The following GNB4 variants were observed in gnomAD, a reference collection of about 807,000 sequenced individuals.
GNB4 encodes G protein subunit beta 4.
Under a neutral mutation model 45.2 loss-of-function variants are expected in GNB4, and 28 were observed. The observed-to-expected ratio is 0.62, with a 90% CI of 0.46 to 0.85. GNB4 has a LOEUF of 0.85. GNB4 is among the 40% of genes least tolerant of loss of function. GNB4 has a pLI of 0.00. For missense variants in GNB4, 321 were observed against 425.4 expected (o/e 0.75, Z 2.16); for synonymous variants, 132 against 143.7 (o/e 0.92, Z 0.58).
the GNB4 span, among the ~76,000 whole-genome samples, chr3:179,505,487 T>C: frequency 6.6e-6 from 1 of 152,218 alleles, no homozygotes; most frequent in South Asian, 2.1e-4. Flanking sequence ...AAAATATGTC[T>C]ATTTAATAAT....
the GNB4 span, among the ~76,000 whole-genome samples, chr3:179,458,367 G>C: frequency 1.3e-5 from 2 of 152,206 alleles, no homozygotes; most frequent in Non-Finnish European, 2.9e-5. Flanking sequence ...AAAGTCCGCA[G>C]TTTTTAAGTG....
intron 1 of GNB4, among the ~76,000 whole-genome samples, chr3:179,429,162 C>CATGCAACCTCAAGG (rs1452752074): frequency 6.6e-6 from 1 of 152,202 alleles, no homozygotes; most frequent in Non-Finnish European, 1.5e-5. Context: ...TGTTTTGCAA[C>CATGCAACCTCAAGG]ATGCAACCTC....
intron 8 of GNB4, among the ~76,000 whole-genome samples, chr3:179,409,717 G>A (rs1714588416): frequency 6.6e-6 from 1 of 151,402 alleles, no homozygotes; most frequent in African/African-American, 2.4e-5. Flanking sequence ...GGCTGAGGCA[G>A]GAGAATTGCT....
the GNB4 span, among the ~76,000 whole-genome samples, chr3:179,524,325 C>T: frequency 6.6e-6 from 1 of 152,244 alleles, no homozygotes; most frequent in Non-Finnish European, 1.5e-5. Flanking sequence ...ACAGATGGCA[C>T]ATGGCTTGGG....
At chr3:179,418,827 T>C (rs1345553139) in intron 4 of GNB4, among the ~76,000 whole-genome samples, 2 of 152,230 alleles carry the variant, frequency 1.3e-5, no homozygotes, top group East Asian at 1.9e-4. Flanking sequence ...CTTATACACA[T>C]AGTGAATGAC....
At position 179,416,550 on chromosome 3, in the gene GNB4, T is replaced by A. The variant is rs1714805907; in HGVS notation, c.210A>T (p.Leu70=). Residue 70 remains leucine (L), a synonymous_variant, in exon 5 of 10, where the codon CTA becomes CTT. Coordinates refer to ENST00000232564, the MANE Select transcript of GNB4 (RefSeq NM_021629.4). ...ATTTTCCATCTTGAGAAGCACTGAC[T>A]AGCAGCCTAGAGGAACAAACACAAA... The part of the protein sequence containing the change: ...AMHWGYDSRL[L]VSASQDGKLI... 1 of 1,594,528 alleles carries A rather than the reference T, an allele frequency of 6.3e-7. No homozygotes were observed. Among genetic ancestry groups the A allele is most frequent in the Non-Finnish European group, 8.6e-7 (1 of 1,169,404 alleles).
At chr3:179,462,668 G>A in the GNB4 span, among the ~76,000 whole-genome samples, 25 of 152,124 alleles carry the variant, frequency 1.6e-4, no homozygotes, top group East Asian at 3.9e-4. Context: ...GTGAAATCCC[G>A]TCTCTACTAA....
At chr3:179,409,905 C>G (rs1246637151) in intron 8 of GNB4, among the ~76,000 whole-genome samples, 1 of 152,034 alleles carries the variant, frequency 6.6e-6, no homozygotes, top group East Asian at 1.9e-4. Context: ...CCACCCAAAT[C>G]TCATCTTGCA....
chr3:179,460,141 T>G, the GNB4 span, among the ~76,000 whole-genome samples: 7 of 152,362 alleles, frequency 4.6e-5, no homozygotes, highest in East Asian at 7.7e-4. Context: ...TTTTTCTGCA[T>G]TGTGGCCTTA....
the GNB4 span, among the ~76,000 whole-genome samples, chr3:179,509,040 G>C: frequency 6.7e-6 from 1 of 148,310 alleles, no homozygotes; most frequent in Non-Finnish European, 1.5e-5. Context: ...GTATTTCCTA[G>C]CTCTGTCCAC....
At chr3:179,470,078 A>ATC in the GNB4 span, among the ~76,000 whole-genome samples, 4 of 152,254 alleles carry the variant, frequency 2.6e-5, no homozygotes, top group African/African-American at 9.6e-5. Flanking sequence ...TGGTGTAAAC[A>ATC]AACACTGTTG....
At position 179,396,173 on chromosome 3, in the gene GNB4, G is replaced by A. The variant is rs1714108099; in HGVS notation, c.*5040C>T. On this transcript the variant is annotated 3_prime_UTR_variant, in exon 10 of 10. Coordinates refer to ENST00000232564, the MANE Select transcript of GNB4 (RefSeq NM_021629.4). ...TACAAATAGAGGAATGAATCACTGT[G>A]TAAGAAAGATCTAAGAACAGTTAAA... 1 of 152,164 alleles carries A rather than the reference G, an allele frequency of 6.6e-6. No individual in the cohort carries two copies. Among genetic ancestry groups the A allele is most frequent in the Non-Finnish European group, 1.5e-5 (1 of 68,040 alleles). The allele number at this position is 152,164 out of a possible 1,614,324, so 9.4% of individuals were successfully genotyped here. A position where few individuals can be genotyped will look rare whatever the true frequency, so the allele number is the denominator to read the frequency against.
At chr3:179,437,363 G>A (rs977813323) in intron 1 of GNB4, among the ~76,000 whole-genome samples, 10 of 150,556 alleles carry the variant, frequency 6.6e-5, no homozygotes, top group Non-Finnish European at 1.0e-4. Flanking sequence ...CCAGGAGTTC[G>A]AGACCAGCCT....
chr3:179,424,622 T>G (rs1046241089), intron 2 of GNB4, among the ~76,000 whole-genome samples: 6 of 152,218 alleles, frequency 3.9e-5, no homozygotes, highest in African/African-American at 1.4e-4. Context: ...ATTTTATTTT[T>G]GGAGACAGGG....
intron 8 of GNB4, among the ~76,000 whole-genome samples, chr3:179,409,808 C>CAAAAAAAAAACAAAAA (rs1714592980): frequency 9.3e-6 from 1 of 107,322 alleles, no homozygotes; most frequent in African/African-American, 3.6e-5. Context: ...GACTCTGTCT[C>CAAAAAAAAAACAAAAA]AAAAAAAAAA....
At chr3:179,470,543 AAT>A in the GNB4 span, among the ~76,000 whole-genome samples, 1 of 149,972 alleles carries the variant, frequency 6.7e-6, no homozygotes, top group Non-Finnish European at 1.5e-5. Flanking sequence ...TAAAGAAAAA[AAT>A]ATATATATAT....
rs746593294 is a variant in GNB4 at position 179,405,343 on chromosome 3, G to A, written c.763C>T (p.Leu255Phe). 2 of 1,613,924 alleles carry A rather than the reference G, an allele frequency of 1.2e-6. No homozygotes were observed. The highest frequency in any genetic ancestry group is 1.1e-5 in the South Asian group (1 of 91,072). ...SDDATCRLFD[L>F]RADQELLLYS... ...AATAATAACTCTTGATCTGCACGAA[G>A]GTCAAAGAGCCGGCAAGTGGCATCA... The change falls in exon 9 of 10, where the codon CTT becomes TTT. Residue 255 changes from leucine (L) to phenylalanine (F), a missense_variant. By Grantham distance (22) the Leu-to-Phe change is conservative. Coordinates refer to ENST00000232564, the MANE Select transcript of GNB4 (RefSeq NM_021629.4).
chr3:179,484,029 C>CTT, the GNB4 span, among the ~76,000 whole-genome samples: 1 of 152,160 alleles, frequency 6.6e-6, no homozygotes, highest in Admixed American at 6.5e-5. Context: ...GTTCAACCTC[C>CTT]TCATTTAGTA....
rs1010981100 is a variant in GNB4, at chr3:179,396,215, T to C, written c.*4998A>G. On this transcript the variant is annotated 3_prime_UTR_variant, in exon 10 of 10. Transcript: ENST00000232564. ...ACAGTTAAATCATGATACAAGTCCA[T>C]AGTTTATATGGTTTAGAGCTTTAAG... 2 of 152,196 alleles carry C rather than the reference T, an allele frequency of 1.3e-5. No individual in the cohort carries two copies. The highest frequency in any genetic ancestry group is 2.9e-5 in the Non-Finnish European group (2 of 68,034). The allele number at this position is 152,196 out of a possible 1,614,324, so 9.4% of individuals were successfully genotyped here.
Sources: allele counts gnomAD v4.1 joint callset (sites outside exome capture counted in the v4.1 genomes callset), GRCh38; gene constraint gnomAD v4.1.1; transcripts MANE v1.5; gene names NCBI Gene and HGNC (gene_info 2026-07-23, HGNC 2026-07-21).